KCNMB2: variants seen among roughly 807,000 people sequenced by gnomAD.
KCNMB2 encodes the protein calcium-activated potassium channel subunit beta-2.
A neutral mutation model predicts 24.5 loss-of-function variants in KCNMB2; 9 were observed. The observed-to-expected ratio is 0.37, with a 90% CI of 0.22 to 0.64. The LOEUF is 0.64. KCNMB2 is among the 30% of genes least tolerant of loss of function. KCNMB2 has a pLI of 0.63. For synonymous variants in KCNMB2, 109 were observed against 104.4 expected (o/e 1.04, Z -0.27); for missense variants, 226 against 284.3 (o/e 0.79, Z 1.47).
At chr3:178,686,953 A>C (rs1346021070) in intron 1 of KCNMB2, among the ~76,000 whole-genome samples, 1 of 151,506 alleles carries the variant, frequency 6.6e-6, no homozygotes, top group Non-Finnish European at 1.5e-5. Flanking sequence ...TTATCTTTTT[A>C]ACCATGAAAG....
chr3:178,667,449 C>T lies in KCNMB2; in HGVS notation c.-68+130738C>T, dbSNP rs538712125. Among the ~76,000 whole-genome samples the T allele has an allele frequency of 2.2e-4, 34 of 152,252 alleles. 1 individual carries two copies. Among genetic ancestry groups the T allele is most frequent in the African/African-American group, 8.2e-4 (34 of 41,566 alleles). ...CCTTCTACCTTCCACCTTGTGAGGACACACCAAGAAGGCCCTCCCAAGACG... is the reference window on the plus strand; with the variant it reads ...CCTTCTACCTTCCACCTTGTGAGGATACACCAAGAAGGCCCTCCCAAGACG... On this transcript the variant is annotated intron_variant, in intron 1 of 4. Coordinates refer to ENST00000452583, the MANE Select transcript of KCNMB2 (RefSeq NM_181361.3).
chr3:178,648,882 G>A (rs1199630342), intron 1 of KCNMB2, among the ~76,000 whole-genome samples: 2 of 152,100 alleles, frequency 1.3e-5, no homozygotes, highest in East Asian at 3.8e-4. Context: ...GCATTATTTG[G>A]TGTGCTAATA....
At chr3:178,728,562 GGGATGAA>G (rs71181244) in intron 1 of KCNMB2, among the ~76,000 whole-genome samples, 7,674 of 152,112 alleles carry the variant, frequency 0.05, 258 homozygotes, top group Non-Finnish European at 0.075. Flanking sequence ...GATCAGCTTT[GGGATGAA>G]TCTGTGTTCT....
intron 1 of KCNMB2, among the ~76,000 whole-genome samples, chr3:178,588,975 T>C (rs2108497410): frequency 6.6e-6 from 1 of 152,344 alleles, no homozygotes; most frequent in East Asian, 1.9e-4. Flanking sequence ...TTAAGTGGTT[T>C]AACAGAGCCT....
chr3:178,829,331 CTTA>C (rs1026806365), intron 4 of KCNMB2, among the ~76,000 whole-genome samples: 9 of 151,948 alleles, frequency 5.9e-5, no homozygotes, highest in African/African-American at 2.2e-4. Context: ...AATGATATAA[CTTA>C]TAGTTATTGA....
In KCNMB2 at chr3:178,629,350, T is replaced by C. The variant is rs1719230550; in HGVS notation, c.-68+92639T>C. ...CTAAATGCAATCCTGTAGGAAAAAT[T>C]AACAGGGAAAAAGGAGGTGATTCCT... On this transcript the variant is annotated intron_variant, in intron 1 of 4. Coordinates refer to ENST00000452583, the MANE Select transcript of KCNMB2 (RefSeq NM_181361.3). Among the ~76,000 whole-genome samples, 4 of 152,096 alleles carry C rather than the reference T, an allele frequency of 2.6e-5. No individual in the cohort carries two copies. In the South Asian group the frequency reaches 8.3e-4, roughly 32 times the overall value.
At chr3:178,770,961 C>A (rs574449811) in intron 1 of KCNMB2, among the ~76,000 whole-genome samples, 1 of 152,234 alleles carries the variant, frequency 6.6e-6, no homozygotes, top group African/African-American at 2.4e-5. Context: ...AGATGCCTGG[C>A]AGCACAGGAT....
intron 2 of KCNMB2, among the ~76,000 whole-genome samples, chr3:178,822,716 C>T (rs1714680970): frequency 1.3e-5 from 2 of 152,180 alleles, no homozygotes; most frequent in East Asian, 1.9e-4. Context: ...TCACTTTTCC[C>T]CTCTCTATAC....
chr3:178,761,786 G>A (rs150232825), intron 1 of KCNMB2, among the ~76,000 whole-genome samples: 6 of 152,244 alleles, frequency 3.9e-5, no homozygotes, highest in East Asian at 1.9e-4. Flanking sequence ...CTAATATCAC[G>A]CATTGACCAT....
At position 178,734,276 on chromosome 3, in the gene KCNMB2, G is replaced by A. The variant is rs1168498650; in HGVS notation, c.-67-73067G>A. On this transcript the variant is annotated intron_variant, in intron 1 of 4. Transcript: ENST00000452583. The stretch of plus-strand genomic sequence containing the variant: ...GCTTATGTTAGTACCTATGTGTGAA[G>A]TTTTCCACTTGTGGCATCATGCCTT... Among the ~76,000 whole-genome samples, 3 of 152,194 alleles carry A rather than the reference G, an allele frequency of 2.0e-5. No individual in the cohort carries two copies. In the South Asian group the frequency reaches 6.2e-4, roughly 31 times the overall value.
At chr3:178,778,486 A>G (rs1712688547) in intron 1 of KCNMB2, among the ~76,000 whole-genome samples, 1 of 96,808 alleles carries the variant, frequency 1.0e-5, no homozygotes, top group Non-Finnish European at 2.4e-5. Context: ...ACACACACAC[A>G]CACACACACA....
chr3:178,772,748 A>T (rs1041080177), intron 1 of KCNMB2, among the ~76,000 whole-genome samples: 2 of 152,234 alleles, frequency 1.3e-5, no homozygotes, highest in African/African-American at 4.8e-5. Context: ...ATAATTGTTT[A>T]AAAATGACTT....
intron 1 of KCNMB2, among the ~76,000 whole-genome samples, chr3:178,710,870 C>T (rs749651166): frequency 1.1e-4 from 16 of 152,086 alleles, no homozygotes; most frequent in Non-Finnish European, 2.1e-4. Context: ...TCTTCTGTTA[C>T]ATCCATTATG....
intron 1 of KCNMB2, among the ~76,000 whole-genome samples, chr3:178,692,715 T>A (rs1049895521): frequency 6.6e-6 from 1 of 152,242 alleles, no homozygotes; most frequent in Non-Finnish European, 1.5e-5. Flanking sequence ...TAGGATTGTG[T>A]CAGCTGTTTG....
At chr3:178,556,503 C>T (rs1448545174) in intron 1 of KCNMB2, among the ~76,000 whole-genome samples, 1 of 152,192 alleles carries the variant, frequency 6.6e-6, no homozygotes, top group Admixed American at 6.5e-5. Context: ...CTTCCGGTTT[C>T]AAGCAATTCT....
intron 1 of KCNMB2, among the ~76,000 whole-genome samples, chr3:178,792,821 G>C (rs867963887): frequency 6.6e-6 from 1 of 152,230 alleles, no homozygotes; most frequent in Non-Finnish European, 1.5e-5. Flanking sequence ...GATGGACTAA[G>C]AGCTCCAGCT....
chr3:178,794,317 G>C (rs746030444), intron 1 of KCNMB2, among the ~76,000 whole-genome samples: 3 of 152,104 alleles, frequency 2.0e-5, no homozygotes, highest in Non-Finnish European at 2.9e-5. Context: ...TCAAAGACCG[G>C]CTGTCCCCTC....
chr3:178,598,213 A>G (rs781601913), intron 1 of KCNMB2, among the ~76,000 whole-genome samples: 27 of 152,104 alleles, frequency 1.8e-4, no homozygotes, highest in Non-Finnish European at 3.4e-4. Flanking sequence ...TCCGTATATA[A>G]AAGTGTTTGG....
intron 1 of KCNMB2, among the ~76,000 whole-genome samples, chr3:178,670,817 T>C (rs1356993108): frequency 1.3e-5 from 2 of 152,092 alleles, no homozygotes; most frequent in African/African-American, 4.8e-5. Context: ...GGTGATGTGA[T>C]TTGTCCAAGG....
Sources: allele counts gnomAD v4.1 joint callset (sites outside exome capture counted in the v4.1 genomes callset), GRCh38; gene constraint gnomAD v4.1.1; transcripts MANE v1.5; gene names NCBI Gene and HGNC (gene_info 2026-07-23, HGNC 2026-07-21).